Variants in BCO2 observed in about 807,000 individuals in gnomAD.
BCO2 encodes carotenoid-cleaving dioxygenase, mitochondrial.
In BCO2, 56 loss-of-function variants were observed where a neutral mutation model predicts 65.8. The ratio of observed to expected loss-of-function variants is 0.85; its 90% confidence interval spans 0.69 to 1.06. The LOEUF (loss-of-function observed/expected upper bound fraction) is 1.06, where lower values mean the gene tolerates loss of function less well. Ranked by LOEUF, BCO2 falls within the 50% of genes least tolerant of loss-of-function variation. The pLI, the probability that BCO2 is intolerant of heterozygous loss-of-function variation, is 0.00. For synonymous variants in BCO2, 233 were observed against 242.3 expected (o/e 0.96, Z 0.36); for missense variants, 675 against 698.5 (o/e 0.97, Z 0.38).
At position 112,191,926 on chromosome 11, in the gene BCO2, C is replaced by T. The variant is rs534151498; in HGVS notation, c.294-1548C>T. ...CAATTTAAAAAATTCTGGTAAAATA[C>T]ATATAACATAAAATTTACCATCCTA... is the stretch of plus-strand genomic sequence containing the variant. On this transcript the variant is annotated intron_variant, in intron 2 of 11. Transcript: ENST00000357685. Among the ~76,000 whole-genome samples the T allele has an allele frequency of 3.8e-4, 58 of 152,180 alleles. No homozygotes were observed. In the East Asian group the frequency reaches 0.01, roughly 27 times the overall value.
Position 112,217,796 on chromosome 11 carries a change from G to C in BCO2, c.1662G>C (p.Lys554Asn). The change falls in exon 12 of 12, where the codon AAG (lysine) becomes AAC (asparagine). Residue 554 changes from lysine (K) to asparagine (N), a missense_variant. By Grantham distance (94) the Lys-to-Asn change is moderately conservative. Transcript: ENST00000357685. ...ATTTTATCCTAGTTTTGGATGCCAA[G>C]AACTTTGAAGAGCTGGGCCGAGCAG... Reference protein sequence around the residue: ...ESNFILVLDAKNFEELGRAEV... With the variant: ...ESNFILVLDANNFEELGRAEV... 6.2e-7 allele frequency: 1 copy of C among 1,614,030 alleles called. No individual in the cohort carries two copies. The highest frequency in any genetic ancestry group is 1.3e-5 in the African/African-American group (1 of 75,048).
At chr11:112,194,616 T>G in intron 4 of BCO2, 37 bp from the exon 5 acceptor site, 1 of 1,218,720 alleles carries the variant, frequency 8.2e-7, no homozygotes. Context: ...AATAGAGATC[T>G]GCCCATTAAA....
intron 2 of BCO2, among the ~76,000 whole-genome samples, chr11:112,191,903 A>G (rs1366163905): frequency 6.6e-6 from 1 of 152,184 alleles, no homozygotes; most frequent in Admixed American, 6.5e-5. Context: ...CTTTCCTGCA[A>G]TTTAAAAAAT....
chr11:112,202,089 C>G lies in BCO2; in HGVS notation c.1093C>G (p.Gln365Glu). ...TFHQINAFED[Q>E]GCVIIDLCCQ... is the part of the protein sequence containing the mutation. ...TCATCAAATCAATGCCTTTGAGGACCAGGGCTGTGTTATAATTGATTTGTG... is the reference window on the plus strand; with the variant it reads ...TCATCAAATCAATGCCTTTGAGGACGAGGGCTGTGTTATAATTGATTTGTG... The change falls in exon 8 of 12, where the codon CAG (glutamine) becomes GAG (glutamate). Residue 365 changes from glutamine to glutamate, a missense_variant. Gln to Glu is a conservative substitution (Grantham distance 29, BLOSUM62 2). Coordinates refer to ENST00000357685, the MANE Select transcript of BCO2 (RefSeq NM_031938.7). 6.2e-7 allele frequency: 1 copy of G among 1,613,702 alleles called. No homozygotes were observed. The highest frequency in any genetic ancestry group is 1.7e-4 in the Middle Eastern group (1 of 6,060).
chr11:112,210,821 A>G (rs1224641724), intron 8 of BCO2, among the ~76,000 whole-genome samples: 1 of 151,874 alleles, frequency 6.6e-6, no homozygotes, highest in African/African-American at 2.4e-5. Context: ...GGTGGATTGT[A>G]TCAATGTAAA....
At chr11:112,197,550 A>C (rs1430418754) in intron 5 of BCO2, among the ~76,000 whole-genome samples, 11 of 141,080 alleles carry the variant, frequency 7.8e-5, no homozygotes, top group African/African-American at 8.8e-5. Context: ...CCTGTCTCAA[A>C]AAAAAAAAAA....
At chr11:112,198,700 T>A (rs1167607921) in intron 5 of BCO2, among the ~76,000 whole-genome samples, 4 of 151,938 alleles carry the variant, frequency 2.6e-5, no homozygotes, top group African/African-American at 9.7e-5. Flanking sequence ...TGAAAGAATG[T>A]TGATGAGAAA....
intron 1 of BCO2, chr11:112,176,528 G>GGGA (rs71060227): frequency 3.7e-5 from 3 of 81,128 alleles, no homozygotes; most frequent in Non-Finnish European, 7.5e-5. Flanking sequence ...GGGGGGGGGG[G>GGGA]AATTAAACAT....
chr11:112,181,065 G>A, intron 2 of BCO2: 3 of 1,481,646 alleles, frequency 2.0e-6, no homozygotes, highest in Non-Finnish European at 2.8e-6. Context: ...GTTGGAGGGC[G>A]GTACTTTACA....
intron 2 of BCO2, among the ~76,000 whole-genome samples, chr11:112,193,268 G>A (rs1360978983): frequency 6.6e-6 from 1 of 151,894 alleles, no homozygotes; most frequent in Non-Finnish European, 1.5e-5. Flanking sequence ...GTGAGCCACC[G>A]CGCCCAGCCT....
intron 6 of BCO2, 162 bp from the exon 7 acceptor site, chr11:112,200,451 C>A (rs1864349): frequency 1.7e-6 from 1 of 576,314 alleles, no homozygotes; most frequent in East Asian, 3.1e-5. Context: ...ACAGGAAATA[C>A]GTATAGTAAA....
chr11:112,212,400 C>A (rs1859535685), intron 8 of BCO2, among the ~76,000 whole-genome samples: 1 of 152,150 alleles, frequency 6.6e-6, no homozygotes, highest in Admixed American at 6.5e-5. Context: ...CTTTGGGAGC[C>A]CAAGGCAGGA....
At chr11:112,180,798 A>G in intron 2 of BCO2, 1 of 1,011,798 alleles carries the variant, frequency 9.9e-7, no homozygotes, top group Non-Finnish European at 1.6e-6. Context: ...CTGTTCCTGA[A>G]CGGCAGCCCC....
intron 5 of BCO2, among the ~76,000 whole-genome samples, chr11:112,199,022 A>G (rs1331890266): frequency 6.6e-6 from 1 of 152,082 alleles, no homozygotes; most frequent in Admixed American, 6.5e-5. Flanking sequence ...GGTTTGTTAC[A>G]TAGGTATACA....
intron 2 of BCO2, among the ~76,000 whole-genome samples, chr11:112,191,383 A>G (rs2135365421): frequency 6.6e-6 from 1 of 152,306 alleles, no homozygotes; most frequent in South Asian, 2.1e-4. Context: ...AATGGTAGGG[A>G]AACTTCATTT....
rs1859613374 is a variant in BCO2, at chr11:112,214,837, T to C, written c.1408T>C (p.Tyr470His). ...AGGCATTGAATTTCCTCAGATCTAC[T>C]ATGATCGATTCAGTGGCAAAAAGTA... ...EGGIEFPQIY[Y>H]DRFSGKKYHF... The change falls in exon 10 of 12, where the codon TAT (tyrosine) becomes CAT (histidine). Residue 470 changes from tyrosine (Y) to histidine (H), a missense_variant. Physicochemically the swap from Tyr to His is moderately conservative, Grantham distance 83. Transcript: ENST00000357685. 2.5e-6 allele frequency: 4 copies of C among 1,613,920 alleles called. No individual in the cohort carries two copies. The African/African-American group carries it at 5.3e-5, about 22-fold the overall frequency.
chr11:112,214,900 G>A lies in BCO2; in HGVS notation c.1471G>A (p.Gly491Arg), dbSNP rs539099785. The A allele has an allele frequency of 1.2e-6, 2 of 1,614,042 alleles. No individual in the cohort carries two copies. Among genetic ancestry groups the A allele is most frequent in the Non-Finnish European group, 1.7e-6 (2 of 1,180,026 alleles). ...TGGCTGTGGCTTTCGGCATTTAGTGGGGGATTCTCTGATCAAGGTTGATGT... is the reference window on the plus strand; with the variant it reads ...TGGCTGTGGCTTTCGGCATTTAGTGAGGGATTCTCTGATCAAGGTTGATGT... ...FYGCGFRHLV[G>R]DSLIKVDVVN... Residue 491 changes from glycine (G) to arginine (R), a missense_variant, in exon 10 of 12, where the codon GGG becomes AGG. Gly to Arg is a moderately radical substitution (Grantham distance 125). Transcript: ENST00000357685.
rs1387380295 is a variant in BCO2, at chr11:112,218,535, T to G, written c.*661T>G. 1 of 268,560 alleles carries G rather than the reference T, an allele frequency of 3.7e-6. No individual in the cohort carries two copies. The highest frequency in any genetic ancestry group is 2.2e-5 in the African/African-American group (1 of 44,784). 16.6% of individuals were successfully genotyped at this position (268,560 alleles called of 1,614,324 possible). Reference sequence around the variant, plus strand: ...TCAAGTTGGTGGAGTCCCATGGTGCTGAACACCAACTCACCCTAATTAAGG... The same window carrying G: ...TCAAGTTGGTGGAGTCCCATGGTGCGGAACACCAACTCACCCTAATTAAGG... On this transcript the variant is annotated 3_prime_UTR_variant, in exon 12 of 12. Transcript: ENST00000357685.
chr11:112,180,900 A>T, intron 2 of BCO2: 1 of 1,084,550 alleles, frequency 9.2e-7, no homozygotes, highest in South Asian at 1.2e-5. Context: ...ACCAGTGTGT[A>T]TAATGGGAAA....
Sources: gnomAD v4.1 joint callset for allele counts (sites outside exome capture counted in the v4.1 genomes callset) on GRCh38, gnomAD v4.1.1 for gene constraint, MANE v1.5 for transcripts, NCBI Gene and HGNC (gene_info 2026-07-23, HGNC 2026-07-21) for gene names.